The following C12orf54 variants were observed in gnomAD, a reference collection of about 807,000 sequenced individuals.
C12orf54 encodes the protein chromosome 12 open reading frame 54.
Under a neutral mutation model 26.4 loss-of-function variants are expected in C12orf54, and 24 were observed. The ratio of observed to expected loss-of-function variants is 0.91; its 90% CI spans 0.66 to 1.28. The LOEUF is 1.28. Ranked by LOEUF, C12orf54 falls within the 50% of genes most tolerant of loss-of-function variation. The probability of loss-of-function intolerance (pLI) is 0.00; values close to 1 mark genes in which losing one functional copy is unlikely to be tolerated. For synonymous variants in C12orf54, 54 were observed against 47.0 expected (o/e 1.15, Z -0.61); for missense variants, 154 against 150.9 (o/e 1.02, Z -0.11).
chr12:48,485,710 C>A (rs914083869), intron 2 of C12orf54, among the ~76,000 whole-genome samples: 9 of 152,180 alleles, frequency 5.9e-5, no homozygotes, highest in Non-Finnish European at 8.8e-5. Context: ...CTTTCCACTT[C>A]TTCAGCCTTC....
chr12:48,471,754 G>A, the C12orf54 span, among the ~76,000 whole-genome samples: 1 of 152,050 alleles, frequency 6.6e-6, no homozygotes, highest in Non-Finnish European at 1.5e-5. Flanking sequence ...AGCTTTATAG[G>A]ATAGTTTGAA....
In C12orf54 at chr12:48,486,564, G is replaced by A. The variant is rs1005545997; in HGVS notation, c.97-124G>A. On this transcript the variant is annotated intron_variant, in intron 3 of 8. Coordinates refer to ENST00000548364, the MANE Select transcript of C12orf54 (RefSeq NM_152319.4). ...GACTTTTGGCTGCCTGAGAAATGGG[G>A]TGATTTTGGGTGTCCAGCTCAATTC... The A allele has an allele frequency of 6.1e-6, 6 of 979,724 alleles. No individual in the cohort carries two copies. In the African/African-American group the frequency reaches 6.5e-5, roughly 11 times the overall value. The allele number at this position is 979,724 out of a possible 1,614,324, so 60.7% of individuals were successfully genotyped here. A position where few individuals can be genotyped will look rare whatever the true frequency, so the allele number is the denominator to read the frequency against.
chr12:48,425,991 G>T, the C12orf54 span, among the ~76,000 whole-genome samples: 2 of 136,940 alleles, frequency 1.5e-5, no homozygotes, highest in African/African-American at 5.5e-5. Context: ...TTAGAACTTT[G>T]TCAGATGTAT....
the C12orf54 span, among the ~76,000 whole-genome samples, chr12:48,441,043 T>G: frequency 6.6e-6 from 1 of 152,196 alleles, no homozygotes; most frequent in African/African-American, 2.4e-5. Context: ...TTTATCTCCC[T>G]GAGCCAGTTT....
rs73298787 is a variant in C12orf54, at chr12:48,489,183, T to C, written c.168+227T>C. ...GAAATGTGATAATACAAACAGAAAA[T>C]TGTATCTGCTAGAACTTGTCTCAGC... On this transcript the variant is annotated intron_variant, in intron 5 of 8. Coordinates refer to ENST00000548364, the MANE Select transcript of C12orf54 (RefSeq NM_152319.4). The C allele has an allele frequency of 0.022, 14,968 of 695,164 alleles. 1,576 individuals carry two copies. The African/African-American group carries it at 0.23, about 11-fold the overall frequency. 43.1% of individuals were successfully genotyped at this position (695,164 alleles called of 1,614,324 possible). A position where few individuals can be genotyped will look rare whatever the true frequency, so the allele number is the denominator to read the frequency against.
the C12orf54 span, among the ~76,000 whole-genome samples, chr12:48,439,736 G>A: frequency 2.6e-5 from 4 of 151,982 alleles, no homozygotes; most frequent in South Asian, 2.1e-4. Context: ...ATCACACACC[G>A]GGGCCTGTTG....
the C12orf54 span, among the ~76,000 whole-genome samples, chr12:48,416,755 G>C: frequency 6.6e-6 from 1 of 151,996 alleles, no homozygotes; most frequent in African/African-American, 2.4e-5. Flanking sequence ...CCAGCTACTC[G>C]GGAGGCTGAG....
the C12orf54 span, among the ~76,000 whole-genome samples, chr12:48,416,462 G>A: frequency 6.8e-6 from 1 of 146,018 alleles, no homozygotes; most frequent in Non-Finnish European, 1.5e-5. Context: ...GGCTTCTTTG[G>A]TCAGTCAATA....
chr12:48,447,556 A>G, the C12orf54 span, among the ~76,000 whole-genome samples: 1 of 152,124 alleles, frequency 6.6e-6, no homozygotes, highest in East Asian at 1.9e-4. Context: ...AAAGTAGGAA[A>G]TTATAGAACT....
At chr12:48,465,705 C>T in the C12orf54 span, among the ~76,000 whole-genome samples, 1 of 152,012 alleles carries the variant, frequency 6.6e-6, no homozygotes, top group African/African-American at 2.4e-5. Context: ...AAATGTGGTA[C>T]ATACACACCA....
At chr12:48,480,452 TTAAC>T (rs35213520), upstream of C12orf54, among the ~76,000 whole-genome samples, 22,391 of 152,100 alleles carry the variant, frequency 0.15, 2,838 homozygotes, top group East Asian at 0.66. Context: ...GCAAAACTGT[TTAAC>T]TAAGCCAACA....
chr12:48,471,587 T>A, the C12orf54 span, among the ~76,000 whole-genome samples: 1 of 152,228 alleles, frequency 6.6e-6, no homozygotes, highest in Non-Finnish European at 1.5e-5. Context: ...CAGCACCATT[T>A]ATTGAAAAGA....
At chr12:48,485,757 A>G (rs1954253462) in intron 2 of C12orf54, among the ~76,000 whole-genome samples, 1 of 152,230 alleles carries the variant, frequency 6.6e-6, no homozygotes, top group Admixed American at 6.5e-5. Flanking sequence ...TCACGAAGGA[A>G]AAGAACACTT....
chr12:48,466,835 A>G, the C12orf54 span, among the ~76,000 whole-genome samples: 1 of 152,136 alleles, frequency 6.6e-6, no homozygotes. Context: ...ACTCCTATTT[A>G]CCCAAAAGAA....
chr12:48,430,725 C>T, the C12orf54 span, among the ~76,000 whole-genome samples: 37 of 152,138 alleles, frequency 2.4e-4, 1 homozygote, highest in African/African-American at 7.5e-4. Context: ...ACAGCCAAGA[C>T]GGAAACAGTG....
At chr12:48,475,687 G>A in the C12orf54 span, among the ~76,000 whole-genome samples, 1 of 152,196 alleles carries the variant, frequency 6.6e-6, no homozygotes, top group Admixed American at 6.5e-5. Context: ...AAGAAGAGAA[G>A]TTTAGAGAAA....
chr12:48,476,352 A>G, the C12orf54 span, among the ~76,000 whole-genome samples: 3 of 152,212 alleles, frequency 2.0e-5, no homozygotes, highest in Non-Finnish European at 4.4e-5. Context: ...GAGCAAAATA[A>G]CCAGCTAACA....
chr12:48,494,653 G>A, intron 7 of C12orf54, 145 bp from the exon 8 acceptor site: 1 of 849,710 alleles, frequency 1.2e-6, no homozygotes, highest in East Asian at 2.5e-5. Context: ...GCATCCATCA[G>A]GAAATTGCAA....
intron 6 of C12orf54, among the ~76,000 whole-genome samples, chr12:48,492,577 G>A (rs1357930737): frequency 6.6e-6 from 1 of 152,194 alleles, no homozygotes; most frequent in African/African-American, 2.4e-5. Flanking sequence ...GTGAAATCCA[G>A]GGTGAGATGA....
Sources: allele counts gnomAD v4.1 joint callset (sites outside exome capture counted in the v4.1 genomes callset), GRCh38; gene constraint gnomAD v4.1.1; transcripts MANE v1.5; gene names NCBI Gene and HGNC (gene_info 2026-07-23, HGNC 2026-07-21).